Variants in CCSER1 observed in about 807,000 individuals in gnomAD.
CCSER1 encodes serine-rich coiled-coil domain-containing protein 1.
In CCSER1, 41 loss-of-function variants were observed where a neutral mutation model predicts 82.0. The ratio of observed to expected loss-of-function variants is 0.50; its 90% CI spans 0.39 to 0.65. The LOEUF (loss-of-function observed/expected upper bound fraction) is 0.65. Among genes scored for constraint, CCSER1 ranks in the 30% least tolerant of loss-of-function variants. The probability of loss-of-function intolerance (pLI) is 0.00; values close to 1 mark genes in which losing one functional copy is unlikely to be tolerated. For synonymous variants in CCSER1, 414 were observed against 383.9 expected (o/e 1.08, Z -0.92); for missense variants, 1,119 against 1,064.2 (o/e 1.05, Z -0.72).
rs544192249 is a variant in CCSER1 at position 91,438,855 on chromosome 4, G to A, written c.2218-159717G>A. ...GAATGCAGAAGGCTCAGGAGCCAAT[G>A]CGATCAACTGGAAGAAAGGGTATCA... is the stretch of plus-strand genomic sequence containing the variant. On this transcript the variant is annotated intron_variant, in intron 10 of 10. Coordinates refer to ENST00000509176, the MANE Select transcript of CCSER1 (RefSeq NM_001145065.2). Among the ~76,000 whole-genome samples, 9 of 152,318 alleles carry A rather than the reference G, an allele frequency of 5.9e-5. 1 individual carries two copies. The highest frequency in any genetic ancestry group is 2.2e-4 in the African/African-American group (9 of 41,570).
chr4:90,950,665 T>A (rs781010430), intron 9 of CCSER1, among the ~76,000 whole-genome samples: 12 of 152,124 alleles, frequency 7.9e-5, no homozygotes, highest in Non-Finnish European at 1.6e-4. Flanking sequence ...GATAACCTTT[T>A]TAACAAGCAT....
chr4:90,303,518 T>C (rs1040731072), intron 1 of CCSER1, among the ~76,000 whole-genome samples: 2 of 152,088 alleles, frequency 1.3e-5, no homozygotes, highest in African/African-American at 4.8e-5. Flanking sequence ...CTATCTGATC[T>C]TTGACAAATC....
chr4:90,632,515 A>G (rs1274507815), intron 6 of CCSER1, among the ~76,000 whole-genome samples: 1 of 152,094 alleles, frequency 6.6e-6, no homozygotes, highest in Non-Finnish European at 1.5e-5. Context: ...TTGAAAGTGA[A>G]TACACCTGCA....
At chr4:91,577,803 T>G (rs574637977) in intron 10 of CCSER1, among the ~76,000 whole-genome samples, 1 of 151,848 alleles carries the variant, frequency 6.6e-6, no homozygotes, top group Non-Finnish European at 1.5e-5. Context: ...TCAAATGACT[T>G]AAGCAATAAT....
intron 10 of CCSER1, among the ~76,000 whole-genome samples, chr4:91,251,188 T>C (rs1740229585): frequency 6.6e-6 from 1 of 152,168 alleles, no homozygotes; most frequent in Non-Finnish European, 1.5e-5. Flanking sequence ...TGTACAGTTT[T>C]GGAGGCTAGA....
chr4:91,537,858 C>A (rs28416239), intron 10 of CCSER1, among the ~76,000 whole-genome samples: 3,383 of 151,622 alleles, frequency 0.022, 107 homozygotes, highest in African/African-American at 0.075. Flanking sequence ...TTAAAAAAAT[C>A]AAAGGCAAAA....
chr4:91,111,267 C>A (rs575632807), intron 10 of CCSER1, among the ~76,000 whole-genome samples: 36 of 151,984 alleles, frequency 2.4e-4, no homozygotes, highest in African/African-American at 8.2e-4. Context: ...AATGTGACCA[C>A]CTTGAACTGT....
chr4:90,260,769 G>A (rs1251005024), intron 1 of CCSER1, among the ~76,000 whole-genome samples: 1 of 152,210 alleles, frequency 6.6e-6, no homozygotes, highest in Non-Finnish European at 1.5e-5. Context: ...AGGCTGGAGT[G>A]CAATGGCACT....
At chr4:90,141,967 C>T (rs544515382) in intron 1 of CCSER1, among the ~76,000 whole-genome samples, 1 of 152,248 alleles carries the variant, frequency 6.6e-6, no homozygotes, top group South Asian at 2.1e-4. Flanking sequence ...TCAATATATG[C>T]CCAGAGAGCC....
chr4:90,832,561 T>TA (rs890562984), intron 8 of CCSER1, among the ~76,000 whole-genome samples: 1 of 152,126 alleles, frequency 6.6e-6, no homozygotes, highest in Non-Finnish European at 1.5e-5. Flanking sequence ...TTGAGATCCA[T>TA]AAAAAAATAA....
At chr4:90,147,354 G>A (rs1351448291) in intron 1 of CCSER1, among the ~76,000 whole-genome samples, 1 of 152,104 alleles carries the variant, frequency 6.6e-6, no homozygotes, top group African/African-American at 2.4e-5. Context: ...TTGTTGTGGT[G>A]AAATAGTTGT....
chr4:91,095,242 TTTGCTGTGCGTCACC>T (rs1724390503), intron 10 of CCSER1, among the ~76,000 whole-genome samples: 1 of 152,190 alleles, frequency 6.6e-6, no homozygotes, highest in Admixed American at 6.5e-5. Flanking sequence ...TCTGTGGTCT[TTTGCTGTGCGTCACC>T]TTGCTTCTCC....
chr4:91,100,568 C>T (rs1397385067), intron 10 of CCSER1, among the ~76,000 whole-genome samples: 2 of 151,978 alleles, frequency 1.3e-5, no homozygotes, highest in East Asian at 3.9e-4. Flanking sequence ...GTAGCAAATC[C>T]CAAATATGGC....
chr4:91,348,784 C>G (rs1748247973), intron 10 of CCSER1, among the ~76,000 whole-genome samples: 1 of 152,126 alleles, frequency 6.6e-6, no homozygotes, highest in Non-Finnish European at 1.5e-5. Context: ...TCCAGTGGTT[C>G]AGTAATGATA....
At chr4:90,968,167 C>T (rs1306059254) in intron 9 of CCSER1, among the ~76,000 whole-genome samples, 2 of 150,910 alleles carry the variant, frequency 1.3e-5, no homozygotes, top group Non-Finnish European at 3.0e-5. Context: ...CTCACAGACA[C>T]CAGAGAACAG....
intron 1 of CCSER1, among the ~76,000 whole-genome samples, chr4:90,203,072 C>T (rs1357335322): frequency 6.6e-6 from 1 of 152,184 alleles, no homozygotes; most frequent in East Asian, 1.9e-4. Context: ...TACATGCCTA[C>T]ACCTTGTCTC....
At chr4:90,278,895 T>C (rs771645987) in intron 1 of CCSER1, among the ~76,000 whole-genome samples, 8 of 152,088 alleles carry the variant, frequency 5.3e-5, no homozygotes, top group Admixed American at 2.0e-4. Flanking sequence ...CTCTCTTTCA[T>C]TGGTTGTTGG....
intron 9 of CCSER1, among the ~76,000 whole-genome samples, chr4:91,059,070 GA>G (rs1374259981): frequency 6.6e-6 from 1 of 151,724 alleles, no homozygotes; most frequent in Non-Finnish European, 1.5e-5. Context: ...CAGTTTTTAG[GA>G]AAAAAATCAT....
chr4:90,210,748 C>T lies in CCSER1; in HGVS notation c.-42+82917C>T, dbSNP rs184066181. Among the ~76,000 whole-genome samples the T allele has an allele frequency of 1.6e-3, 241 of 152,176 alleles. 2 individuals carry two copies. The highest frequency in any genetic ancestry group is 5.4e-3 in the African/African-American group (226 of 41,520). On this transcript the variant is annotated intron_variant, in intron 1 of 10. Coordinates refer to ENST00000509176, the MANE Select transcript of CCSER1 (RefSeq NM_001145065.2). ...GCATGAACTACCGTGCCTGGCCTGG[C>T]GTCTGCTATCATTTCTAATAAAATA... is the stretch of plus-strand genomic sequence containing the variant.
Sources: gnomAD v4.1 joint callset for allele counts (sites outside exome capture counted in the v4.1 genomes callset) on GRCh38, gnomAD v4.1.1 for gene constraint, MANE v1.5 for transcripts, NCBI Gene and HGNC (gene_info 2026-07-23, HGNC 2026-07-21) for gene names.